Variants in GRM1 observed in about 807,000 individuals in gnomAD.
The protein encoded by GRM1 is metabotropic glutamate receptor 1.
In GRM1, 33 loss-of-function variants were observed where a neutral mutation model predicts 90.9. That is an observed-to-expected ratio of 0.36 (90% CI 0.28 to 0.49). The LOEUF is 0.49. Among genes scored for constraint, GRM1 ranks in the 20% least tolerant of loss-of-function variants. The pLI, the probability that GRM1 is intolerant of heterozygous loss-of-function variation, is 0.99. For missense variants in GRM1, 1,190 were observed against 1,534.3 expected (o/e 0.78, Z 3.75); for synonymous variants, 700 against 613.2 (o/e 1.14, Z -2.09).
chr6:146,237,867 A>G (rs1369706642), intron 2 of GRM1, among the ~76,000 whole-genome samples: 3 of 152,310 alleles, frequency 2.0e-5, no homozygotes, highest in East Asian at 3.9e-4. Flanking sequence ...AGTACAGACT[A>G]CGTACTCAAG....
At position 146,061,531 on chromosome 6, in the gene GRM1, A is replaced by G. The variant is rs531509719; in HGVS notation, c.700+31314A>G. Among the ~76,000 whole-genome samples the G allele has an allele frequency of 1.3e-3, 198 of 152,282 alleles. 2 individuals are homozygous for G. Among genetic ancestry groups the G allele is most frequent in the Non-Finnish European group, 2.4e-3 (166 of 68,008 alleles). ...AAACTATCATAAGAGTAAACAGGTG[A>G]CCTACAGAATGGGAGAAAATTCTTG... On this transcript the variant is annotated intron_variant, in intron 1 of 7. Transcript: ENST00000282753.
intron 2 of GRM1, among the ~76,000 whole-genome samples, chr6:146,250,457 G>T (rs1023373069): frequency 3.9e-5 from 6 of 152,090 alleles, no homozygotes; most frequent in African/African-American, 1.4e-4. Flanking sequence ...TAAATGTCTG[G>T]TGCTTCCCCA....
intron 2 of GRM1, among the ~76,000 whole-genome samples, chr6:146,169,919 A>G (rs1778041291): frequency 6.6e-6 from 1 of 152,156 alleles, no homozygotes; most frequent in Non-Finnish European, 1.5e-5. Flanking sequence ...CTTTTTATAT[A>G]GCTATCTTAG....
rs1343609003 is a variant in GRM1, at chr6:146,029,956, C to A, written c.439C>A (p.Leu147Ile). 2 of 1,614,046 alleles carry A rather than the reference C, an allele frequency of 1.2e-6. No individual in the cohort carries two copies. The highest frequency in any genetic ancestry group is 1.7e-5 in the Admixed American group (1 of 60,026). The change falls in exon 1 of 8, where the codon CTC becomes ATC. Residue 147 changes from leucine to isoleucine, a missense_variant. Coordinates refer to ENST00000282753, the MANE Select transcript of GRM1 (RefSeq NM_001278064.2). ...CCGGTGTCTGCCTGACGGCCAGTCC[C>A]TCCCCCCAGGCAGGACTAAGAAGCC... ...INRCLPDGQS[L>I]PPGRTKKPIA... is the part of the protein sequence containing the mutation.
In GRM1 at chr6:146,434,020, T is replaced by A. The variant is rs142485820; in HGVS notation, c.2809T>A (p.Tyr937Asn). The change falls in exon 8 of 8, where the codon TAC becomes AAC. Residue 937 changes from tyrosine (Y) to asparagine (N), a missense_variant. Tyr to Asn is a moderately radical substitution (Grantham distance 143, BLOSUM62 -2). This residue lies in a region of GRM1 where 400 missense variants were observed against 360.8 expected (regional missense o/e 1.11). Coordinates refer to ENST00000282753, the MANE Select transcript of GRM1 (RefSeq NM_001278064.2). ...TAVIKPLTKSYQGSGKSLTFS... is the reference protein window; with the variant it reads ...TAVIKPLTKSNQGSGKSLTFS... The stretch of plus-strand genomic sequence containing the variant: ...CGTCATCAAGCCCCTCACTAAAAGT[T>A]ACCAAGGCTCTGGCAAGAGCCTGAC... 7 of 1,614,118 alleles carry A rather than the reference T, an allele frequency of 4.3e-6. No individual in the cohort carries two copies. Among genetic ancestry groups the A allele is most frequent in the Non-Finnish European group, 5.9e-6 (7 of 1,180,010 alleles).
chr6:146,029,039 C>A (rs944287416), upstream of GRM1, among the ~76,000 whole-genome samples: 91 of 152,350 alleles, frequency 6.0e-4, no homozygotes, highest in African/African-American at 2.1e-3. Flanking sequence ...CCCCGCCTTC[C>A]TCAGTGACCA....
At chr6:146,261,156 C>T (rs573394281) in intron 2 of GRM1, among the ~76,000 whole-genome samples, 58 of 151,706 alleles carry the variant, frequency 3.8e-4, no homozygotes, top group African/African-American at 1.3e-3. Context: ...AGCTACAGAC[C>T]GTGGAATTAT....
chr6:146,304,468 C>CA (rs959003342), intron 2 of GRM1, 143 bp from the exon 3 acceptor site: 489 of 670,488 alleles, frequency 7.3e-4, no homozygotes, highest in Middle Eastern at 1.1e-3. Context: ...TACTCTCTAC[C>CA]AAAAAAAAAG....
intron 1 of GRM1, among the ~76,000 whole-genome samples, chr6:146,142,620 T>G (rs1776925265): frequency 6.6e-6 from 1 of 151,874 alleles, no homozygotes; most frequent in Non-Finnish European, 1.5e-5. Flanking sequence ...GACAAAGTCT[T>G]TCCCACCCTA....
In GRM1 at chr6:146,384,901, T is replaced by C. The variant is rs570202431; in HGVS notation, c.1603-1989T>C. 4.6e-5 allele frequency among the ~76,000 whole-genome samples: 7 copies of C among 152,074 alleles called. No individual in the cohort carries two copies. The East Asian group carries it at 1.3e-3, about 29-fold the overall frequency. On this transcript the variant is annotated intron_variant, in intron 5 of 7. Coordinates refer to ENST00000282753, the MANE Select transcript of GRM1 (RefSeq NM_001278064.2). The stretch of plus-strand genomic sequence containing the variant: ...AACAGCACATTAATTGTTGTAGAAC[T>C]AAAGGTCAGTGAACTGAAAAACATA...
chr6:146,088,274 A>C (rs894383504), intron 1 of GRM1, among the ~76,000 whole-genome samples: 1 of 151,938 alleles, frequency 6.6e-6, no homozygotes, highest in East Asian at 1.9e-4. Context: ...CTGATTTTCT[A>C]ATTGGATTGT....
chr6:146,383,275 A>C (rs917975017), intron 5 of GRM1, among the ~76,000 whole-genome samples: 52 of 152,154 alleles, frequency 3.4e-4, no homozygotes, highest in African/African-American at 1.3e-3. Context: ...TTATTTGCAG[A>C]ATCTACTTTC....
chr6:146,094,312 T>C (rs1776807603), intron 1 of GRM1, among the ~76,000 whole-genome samples: 1 of 152,084 alleles, frequency 6.6e-6, no homozygotes. Flanking sequence ...CTGGGGAGCC[T>C]GTCCCTCTAG....
chr6:146,277,392 A>G (rs1366432145), intron 2 of GRM1, among the ~76,000 whole-genome samples: 2 of 152,186 alleles, frequency 1.3e-5, no homozygotes, highest in Non-Finnish European at 2.9e-5. Context: ...TGGGCCACCC[A>G]GCACCGGTTA....
chr6:146,293,046 G>T (rs1395121301), intron 2 of GRM1, among the ~76,000 whole-genome samples: 1 of 151,986 alleles, frequency 6.6e-6, no homozygotes, highest in African/African-American at 2.4e-5. Context: ...GATTACATTT[G>T]CATATGAAAT....
chr6:146,140,628 A>G lies in GRM1; in HGVS notation c.701-18720A>G, dbSNP rs887746491. Among the ~76,000 whole-genome samples the G allele has an allele frequency of 3.9e-5, 6 of 152,340 alleles. No individual in the cohort carries two copies. The South Asian group carries it at 1.0e-3, about 26-fold the overall frequency. On this transcript the variant is annotated intron_variant, in intron 1 of 7. Transcript: ENST00000282753. ...GCTTCCAAATAATATCTTATAACCC[A>G]TTATTTTAAACGGATGAAAACTTAA... is the stretch of plus-strand genomic sequence containing the variant.
At chr6:146,096,841 C>T (rs1410292925) in intron 1 of GRM1, among the ~76,000 whole-genome samples, 1 of 152,074 alleles carries the variant, frequency 6.6e-6, no homozygotes, top group African/African-American at 2.4e-5. Flanking sequence ...TTTTAAGTAG[C>T]ATTTAATGTT....
intron 2 of GRM1, among the ~76,000 whole-genome samples, chr6:146,215,834 G>A (rs1779852505): frequency 6.6e-6 from 1 of 150,460 alleles, no homozygotes; most frequent in Admixed American, 6.6e-5. Flanking sequence ...TCAGCTCACT[G>A]TAAGCTCCGC....
At chr6:146,392,804 T>C (rs78142397) in intron 6 of GRM1, among the ~76,000 whole-genome samples, 1 of 152,132 alleles carries the variant, frequency 6.6e-6, no homozygotes, top group African/African-American at 2.4e-5. Flanking sequence ...TCTGTTCCTG[T>C]GTTAGTTTGC....
Sources: gnomAD v4.1 joint callset for allele counts (sites outside exome capture counted in the v4.1 genomes callset) on GRCh38, gnomAD v4.1.1 for gene constraint, gnomAD v4.1.1 regional missense constraint, MANE v1.5 for transcripts, NCBI Gene and HGNC (gene_info 2026-07-23, HGNC 2026-07-21) for gene names.